Variants in IQGAP2 observed in about 807,000 individuals in gnomAD.
IQGAP2 encodes the protein ras GTPase-activating-like protein IQGAP2.
A neutral mutation model predicts 201.3 loss-of-function variants in IQGAP2; 173 were observed. That is an observed-to-expected ratio of 0.86 (90% CI 0.76 to 0.98). The LOEUF is 0.98. Among genes scored for constraint, IQGAP2 ranks in the 50% least tolerant of loss-of-function variants. The pLI is 0.00. For synonymous variants in IQGAP2, 675 were observed against 673.9 expected (o/e 1.00, Z -0.03); for missense variants, 1,687 against 1,864.8 (o/e 0.90, Z 1.76).
At chr5:76,489,890 C>CA (rs1402670169) in intron 2 of IQGAP2, among the ~76,000 whole-genome samples, 2 of 152,222 alleles carry the variant, frequency 1.3e-5, no homozygotes, top group Non-Finnish European at 2.9e-5. Context: ...CAGACACATA[C>CA]ACTCCACGTC....
chr5:76,675,235 C>T (rs1462520279), intron 27 of IQGAP2, among the ~76,000 whole-genome samples: 1 of 152,158 alleles, frequency 6.6e-6, no homozygotes, highest in Non-Finnish European at 1.5e-5. Context: ...GCAGAACCCA[C>T]ATATACAAAC....
intron 2 of IQGAP2, among the ~76,000 whole-genome samples, chr5:76,468,626 GT>G (rs1366227182): frequency 6.6e-6 from 1 of 152,048 alleles, no homozygotes; most frequent in Non-Finnish European, 1.5e-5. Context: ...TCCTTTATCT[GT>G]CTTATAGTCA....
chr5:76,637,326 T>A, intron 16 of IQGAP2, 150 bp downstream of exon 16: 1 of 599,318 alleles, frequency 1.7e-6, no homozygotes, highest in Non-Finnish European at 2.7e-6. Context: ...TGCAGTTGAA[T>A]GTGGCTGCAT....
intron 14 of IQGAP2, among the ~76,000 whole-genome samples, chr5:76,629,554 T>C (rs1018055461): frequency 2.0e-5 from 3 of 152,234 alleles, no homozygotes; most frequent in Non-Finnish European, 4.4e-5. Flanking sequence ...TTTCTCATTA[T>C]GGCACCCTAA....
At chr5:76,517,630 A>T (rs1383658458) in intron 2 of IQGAP2, among the ~76,000 whole-genome samples, 2 of 151,250 alleles carry the variant, frequency 1.3e-5, no homozygotes, top group African/African-American at 4.9e-5. Context: ...AAAAGTAAGT[A>T]TATAAGAAAG....
At chr5:76,600,335 CT>C (rs1437784693) in intron 10 of IQGAP2, among the ~76,000 whole-genome samples, 1 of 152,086 alleles carries the variant, frequency 6.6e-6, no homozygotes, top group Non-Finnish European at 1.5e-5. Context: ...AATCAGTAGT[CT>C]TGGTTTGAAG....
At chr5:76,639,856 T>C (rs1261443963) in intron 16 of IQGAP2, among the ~76,000 whole-genome samples, 2 of 152,204 alleles carry the variant, frequency 1.3e-5, no homozygotes, top group African/African-American at 4.8e-5. Context: ...AACGACATTG[T>C]AGCAATGGAT....
At chr5:76,558,542 TTTC>T (rs1320918546) in intron 2 of IQGAP2, among the ~76,000 whole-genome samples, 4 of 152,332 alleles carry the variant, frequency 2.6e-5, no homozygotes, top group African/African-American at 9.6e-5. Context: ...TTACTATTGA[TTTC>T]TTCTTTACAA....
At chr5:76,448,126 C>G (rs139326220) in intron 1 of IQGAP2, among the ~76,000 whole-genome samples, 1 of 152,156 alleles carries the variant, frequency 6.6e-6, no homozygotes, top group Non-Finnish European at 1.5e-5. Context: ...CATGGCTGTG[C>G]TCGCCATGTG....
intron 1 of IQGAP2, among the ~76,000 whole-genome samples, chr5:76,418,610 A>AAG (rs1219005739): frequency 6.6e-6 from 1 of 151,306 alleles, no homozygotes; most frequent in African/African-American, 2.4e-5. Context: ...AAAAAAAAAA[A>AAG]TCTCTAAATT....
At chr5:76,462,247 C>T (rs781040210) in intron 2 of IQGAP2, among the ~76,000 whole-genome samples, 4 of 152,146 alleles carry the variant, frequency 2.6e-5, no homozygotes, top group East Asian at 1.9e-4. Flanking sequence ...TTTCCCCACT[C>T]GCAGCCCAAT....
chr5:76,636,943 C>T, intron 15 of IQGAP2, 91 bp from the exon 16 acceptor site: 2 of 1,078,466 alleles, frequency 1.9e-6, no homozygotes, highest in Non-Finnish European at 2.6e-6. Flanking sequence ...TGGTGAAAAA[C>T]ATATTCAATT....
chr5:76,517,601 T>C (rs1344821090), intron 2 of IQGAP2, among the ~76,000 whole-genome samples: 1 of 141,130 alleles, frequency 7.1e-6, no homozygotes, highest in Non-Finnish European at 1.5e-5. Context: ...TGAGACCCTG[T>C]TTCAAAAAAA....
At chr5:76,436,423 A>G (rs951407256) in intron 1 of IQGAP2, among the ~76,000 whole-genome samples, 1 of 133,548 alleles carries the variant, frequency 7.5e-6, no homozygotes, top group Non-Finnish European at 1.6e-5. Flanking sequence ...GGTTTTTATC[A>G]TAAAAGAATG....
intron 5 of IQGAP2, among the ~76,000 whole-genome samples, chr5:76,587,583 T>C (rs1371240825): frequency 6.6e-6 from 1 of 152,238 alleles, no homozygotes; most frequent in Non-Finnish European, 1.5e-5. Flanking sequence ...TTCTGTGTAA[T>C]TTTTTAAACC....
chr5:76,423,645 C>T (rs1025460294), intron 1 of IQGAP2, among the ~76,000 whole-genome samples: 2 of 152,034 alleles, frequency 1.3e-5, no homozygotes, highest in Non-Finnish European at 2.9e-5. Flanking sequence ...AGTGCTTGGT[C>T]ATCATCAAAG....
chr5:76,608,969 G>A, intron 12 of IQGAP2: 1 of 879,274 alleles, frequency 1.1e-6, no homozygotes, highest in Non-Finnish European at 1.7e-6. Context: ...TGGGCTGAGT[G>A]AAGCTCAGCA....
Position 76,556,143 on chromosome 5 carries a change from G to A in IQGAP2, c.147-6253G>A, listed in dbSNP as rs368798408. On this transcript the variant is annotated intron_variant, in intron 2 of 35. Coordinates refer to ENST00000274364, the MANE Select transcript of IQGAP2 (RefSeq NM_006633.5). ...TCCCAGCAGAAAGGACCTGCTGGTG[G>A]TGAATGCCTCGAGTGTTATAGTAGG... Among the ~76,000 whole-genome samples, 15 of 152,318 alleles carry A rather than the reference G, an allele frequency of 9.8e-5. No individual in the cohort carries two copies. The South Asian group carries it at 2.9e-3, about 29-fold the overall frequency.
intron 2 of IQGAP2, among the ~76,000 whole-genome samples, chr5:76,544,918 A>G (rs1177564051): frequency 6.6e-6 from 1 of 152,084 alleles, no homozygotes; most frequent in East Asian, 1.9e-4. Context: ...ATGTAGTTAT[A>G]TACAGTACAT....
Sources: allele counts gnomAD v4.1 joint callset (sites outside exome capture counted in the v4.1 genomes callset), GRCh38; gene constraint gnomAD v4.1.1; transcripts MANE v1.5; gene names NCBI Gene and HGNC (gene_info 2026-07-23, HGNC 2026-07-21).